CCSER1: variants seen among roughly 807,000 people sequenced by gnomAD.
CCSER1 encodes the protein serine-rich coiled-coil domain-containing protein 1.
CCSER1 carries 41 observed loss-of-function variants against 82.0 expected under a neutral mutation model. The observed-to-expected ratio is 0.50, with a 90% CI of 0.39 to 0.65. The LOEUF (loss-of-function observed/expected upper bound fraction) is 0.65. Among genes scored for constraint, CCSER1 ranks in the 30% least tolerant of loss-of-function variants. CCSER1 has a pLI of 0.00. For synonymous variants in CCSER1, 414 were observed against 383.9 expected (o/e 1.08, Z -0.92); for missense variants, 1,119 against 1,064.2 (o/e 1.05, Z -0.72).
intron 1 of CCSER1, among the ~76,000 whole-genome samples, chr4:90,223,553 G>A (rs897328009): frequency 6.6e-5 from 10 of 152,130 alleles, no homozygotes; most frequent in African/African-American, 2.4e-4. Flanking sequence ...GTGTAATATG[G>A]ACCAGGTTAT....
chr4:91,342,993 T>TC (rs1376931843), intron 10 of CCSER1, among the ~76,000 whole-genome samples: 1 of 152,066 alleles, frequency 6.6e-6, no homozygotes, highest in Non-Finnish European at 1.5e-5. Flanking sequence ...TAAATGACAT[T>TC]CCCGTACTAG....
At chr4:90,304,432 A>G (rs567652298) in intron 1 of CCSER1, among the ~76,000 whole-genome samples, 1 of 152,336 alleles carries the variant, frequency 6.6e-6, no homozygotes, top group Admixed American at 6.5e-5. Context: ...GATTAAGAAA[A>G]TGTGGCACAT....
At chr4:91,215,086 C>T (rs1238323458) in intron 10 of CCSER1, among the ~76,000 whole-genome samples, 1 of 151,982 alleles carries the variant, frequency 6.6e-6, no homozygotes, top group Non-Finnish European at 1.5e-5. Flanking sequence ...ATCCAGTGTA[C>T]TTTAATTAGA....
intron 10 of CCSER1, among the ~76,000 whole-genome samples, chr4:91,150,421 G>A (rs1028369419): frequency 1.3e-5 from 2 of 152,202 alleles, no homozygotes; most frequent in Non-Finnish European, 2.9e-5. Flanking sequence ...CATGTCATCT[G>A]CAAACAGGGA....
chr4:91,130,843 T>A (rs1727928269), intron 10 of CCSER1, among the ~76,000 whole-genome samples: 2 of 151,780 alleles, frequency 1.3e-5, no homozygotes, highest in Non-Finnish European at 1.5e-5. Context: ...TAAGACAAAT[T>A]TTGAATTACT....
chr4:90,571,229 G>A (rs139008731), intron 5 of CCSER1, among the ~76,000 whole-genome samples: 5 of 152,206 alleles, frequency 3.3e-5, no homozygotes, highest in Admixed American at 1.3e-4. Flanking sequence ...TCATTACTGG[G>A]TATATACCCA....
At chr4:90,177,662 T>A (rs927350142) in intron 1 of CCSER1, among the ~76,000 whole-genome samples, 1 of 152,108 alleles carries the variant, frequency 6.6e-6, no homozygotes, top group African/African-American at 2.4e-5. Context: ...GGAGGCTAAA[T>A]TCATCATTGC....
chr4:90,276,378 A>C (rs1578904111), intron 1 of CCSER1, among the ~76,000 whole-genome samples: 1 of 117,582 alleles, frequency 8.5e-6, no homozygotes, highest in Non-Finnish European at 1.7e-5. Context: ...ACGGAGTCTC[A>C]CTCTGTTGCC....
chr4:91,400,998 T>C (rs1388616763), intron 10 of CCSER1, among the ~76,000 whole-genome samples: 1 of 151,936 alleles, frequency 6.6e-6, no homozygotes, highest in Admixed American at 6.6e-5. Context: ...TTAAGAACTA[T>C]TTATAGTTAT....
chr4:91,155,337 C>T (rs1446170503), intron 10 of CCSER1, among the ~76,000 whole-genome samples: 2 of 151,888 alleles, frequency 1.3e-5, no homozygotes, highest in Admixed American at 6.6e-5. Context: ...TGTAAGATGG[C>T]TTTTTGCTCT....
At chr4:90,699,741 C>G (rs1227086402) in intron 6 of CCSER1, among the ~76,000 whole-genome samples, 2 of 152,108 alleles carry the variant, frequency 1.3e-5, no homozygotes, top group African/African-American at 2.4e-5. Flanking sequence ...TGTATCCGTT[C>G]AAAATTCATA....
intron 3 of CCSER1, among the ~76,000 whole-genome samples, chr4:90,345,298 C>T (rs568772725): frequency 6.6e-6 from 1 of 151,972 alleles, no homozygotes; most frequent in Non-Finnish European, 1.5e-5. Context: ...AGTTGTCTCC[C>T]AAACAGTAAG....
chr4:90,581,376 T>C (rs1781398298), intron 5 of CCSER1, among the ~76,000 whole-genome samples: 1 of 152,146 alleles, frequency 6.6e-6, no homozygotes, highest in Non-Finnish European at 1.5e-5. Flanking sequence ...TTTATTTTTC[T>C]TCAGGACATT....
intron 7 of CCSER1, chr4:90,781,260 G>A (rs1002032531): frequency 8.1e-6 from 8 of 984,416 alleles, no homozygotes; most frequent in East Asian, 1.1e-4. Flanking sequence ...GAAAGAGTAT[G>A]CACCATAACA....
chr4:90,493,352 A>T (rs941005525), intron 5 of CCSER1, among the ~76,000 whole-genome samples: 1 of 152,154 alleles, frequency 6.6e-6, no homozygotes. Context: ...AGGATATTAT[A>T]CAGGAAAACT....
At chr4:91,564,356 C>A (rs899998474) in intron 10 of CCSER1, among the ~76,000 whole-genome samples, 1 of 151,820 alleles carries the variant, frequency 6.6e-6, no homozygotes, top group Non-Finnish European at 1.5e-5. Context: ...AATGAACATA[C>A]CCGTACATGT....
chr4:90,478,741 T>A (rs187980436), intron 5 of CCSER1, among the ~76,000 whole-genome samples: 19 of 150,526 alleles, frequency 1.3e-4, no homozygotes, highest in African/African-American at 1.9e-4. Context: ...CTTTTTTTTT[T>A]TTTTTTTTAT....
chr4:90,597,805 C>A (rs1414852827), intron 5 of CCSER1, among the ~76,000 whole-genome samples: 1 of 151,996 alleles, frequency 6.6e-6, no homozygotes, highest in African/African-American at 2.4e-5. Flanking sequence ...TTTCTCCCTG[C>A]CCCACCTGCC....
At chr4:91,561,636 C>T (rs1385658062) in intron 10 of CCSER1, among the ~76,000 whole-genome samples, 1 of 151,480 alleles carries the variant, frequency 6.6e-6, no homozygotes, top group African/African-American at 2.4e-5. Flanking sequence ...AAATCTTGAT[C>T]TTGTTCACAG....
Sources: gnomAD v4.1 joint callset for allele counts (sites outside exome capture counted in the v4.1 genomes callset) on GRCh38, gnomAD v4.1.1 for gene constraint, MANE v1.5 for transcripts, NCBI Gene and HGNC (gene_info 2026-07-23, HGNC 2026-07-21) for gene names.